CACNA1E: variants seen among roughly 807,000 people sequenced by gnomAD.
The protein encoded by CACNA1E is calcium voltage-gated channel subunit alpha1 E.
Under a neutral mutation model 259.2 loss-of-function variants are expected in CACNA1E, and 40 were observed. The observed-to-expected ratio is 0.15, with a 90% CI of 0.12 to 0.20. The LOEUF (loss-of-function observed/expected upper bound fraction) is 0.20, where lower values mean the gene tolerates loss of function less well. CACNA1E is among the 10% of genes least tolerant of loss of function. The pLI, the probability that CACNA1E is intolerant of heterozygous loss-of-function variation, is 1.00. For missense variants in CACNA1E, 1,874 were observed against 3,040.1 expected (o/e 0.62, Z 9.02); for synonymous variants, 1,104 against 1,138.5 (o/e 0.97, Z 0.61).
chr1:181,551,455 G>T (rs1648143154), intron 3 of CACNA1E, among the ~76,000 whole-genome samples: 1 of 152,204 alleles, frequency 6.6e-6, no homozygotes, highest in African/African-American at 2.4e-5. Context: ...TTGACAGTTT[G>T]TTTAGGATTC....
chr1:181,489,192 A>G (rs1249100815), intron 1 of CACNA1E, among the ~76,000 whole-genome samples: 1 of 152,236 alleles, frequency 6.6e-6, no homozygotes, highest in African/African-American at 2.4e-5. Context: ...ACAAAGACAT[A>G]AAAGAGGAAA....
intron 3 of CACNA1E, among the ~76,000 whole-genome samples, chr1:181,556,670 G>A (rs1648756394): frequency 6.6e-6 from 1 of 152,160 alleles, no homozygotes; most frequent in Non-Finnish European, 1.5e-5. Context: ...TGCTTAGAGG[G>A]TGCATGGCCT....
chr1:181,741,846 G>T (rs2102606853), intron 25 of CACNA1E, among the ~76,000 whole-genome samples: 1 of 152,336 alleles, frequency 6.6e-6, no homozygotes, highest in African/African-American at 2.4e-5. Flanking sequence ...ACCAGGTACA[G>T]TGCAGGGGCC....
chr1:181,575,024 C>A (rs1235865037), intron 3 of CACNA1E, among the ~76,000 whole-genome samples: 19 of 147,494 alleles, frequency 1.3e-4, no homozygotes, highest in Admixed American at 1.3e-4. Flanking sequence ...GACTCTGTCT[C>A]AAAAAAAAAA....
At chr1:181,375,784 C>T (rs1655062599) in intron 1 of CACNA1E, among the ~76,000 whole-genome samples, 1 of 152,206 alleles carries the variant, frequency 6.6e-6, no homozygotes, top group Non-Finnish European at 1.5e-5. Context: ...CCAGTCTTCT[C>T]TGGGAGACCT....
intron 6 of CACNA1E, among the ~76,000 whole-genome samples, chr1:181,630,843 T>C (rs1056847097): frequency 6.6e-6 from 1 of 152,180 alleles, no homozygotes; most frequent in African/African-American, 2.4e-5. Context: ...ATTAGAGCTC[T>C]TTCCAGAGTA....
Position 181,579,055 on chromosome 1 carries a change from T to C in CACNA1E, c.617-17T>C. The C allele has an allele frequency of 6.3e-7, 1 of 1,592,006 alleles. No individual in the cohort carries two copies. Among genetic ancestry groups the C allele is most frequent in the South Asian group, 1.2e-5 (1 of 86,432 alleles). ...TGAGGGACAGCTGCATTGGTCATTC[T>C]CTGTCCTTCCTTCTAGGCCTGCAGA... On this transcript the variant is annotated splice_polypyrimidine_tract_variant and intron_variant, in intron 4 of 47. Transcript: ENST00000367573.
At chr1:181,578,969 G>C in intron 4 of CACNA1E, 103 bp from the exon 5 acceptor site, 1 of 978,912 alleles carries the variant, frequency 1.0e-6, no homozygotes, top group South Asian at 1.9e-5. Flanking sequence ...ATCAGAGGCA[G>C]ACGGCAGCAT....
chr1:181,772,397 G>A (rs1659599988), intron 37 of CACNA1E, among the ~76,000 whole-genome samples, 166 bp downstream of exon 37: 1 of 152,106 alleles, frequency 6.6e-6, no homozygotes, highest in African/African-American at 2.4e-5. Context: ...TCCACACCCA[G>A]GTTAAGAACT....
chr1:181,488,038 T>C (rs117645458), intron 1 of CACNA1E, among the ~76,000 whole-genome samples: 1 of 152,338 alleles, frequency 6.6e-6, no homozygotes, highest in East Asian at 1.9e-4. Context: ...GTAGAGAATT[T>C]CACTGTATCC....
chr1:181,779,106 G>T (rs1660203246), intron 38 of CACNA1E, among the ~76,000 whole-genome samples: 1 of 152,204 alleles, frequency 6.6e-6, no homozygotes, highest in Non-Finnish European at 1.5e-5. Flanking sequence ...TTGTGAATTG[G>T]CAGGCTTTGT....
intron 1 of CACNA1E, among the ~76,000 whole-genome samples, chr1:181,327,493 G>A (rs1650889267): frequency 1.3e-5 from 2 of 152,160 alleles, no homozygotes; most frequent in Admixed American, 1.3e-4. Context: ...CCAACAATTT[G>A]TAATTTATAG....
At chr1:181,406,046 A>G (rs560406543) in intron 1 of CACNA1E, among the ~76,000 whole-genome samples, 2 of 152,350 alleles carry the variant, frequency 1.3e-5, no homozygotes, top group African/African-American at 4.8e-5. Flanking sequence ...TATGGCCTGC[A>G]ATGGCTAAAA....
intron 3 of CACNA1E, among the ~76,000 whole-genome samples, chr1:181,563,439 C>A (rs6678783): frequency 2.0e-5 from 3 of 152,148 alleles, no homozygotes; most frequent in South Asian, 4.1e-4. Flanking sequence ...AAAAAGGGCC[C>A]CTGTCCCCCA....
intron 2 of CACNA1E, among the ~76,000 whole-genome samples, chr1:181,447,702 A>T (rs1435393643): frequency 2.6e-5 from 4 of 152,212 alleles, no homozygotes; most frequent in Non-Finnish European, 4.4e-5. Context: ...CCCAGGCTAA[A>T]ATTAAGGTGT....
chr1:181,656,054 A>G (rs1004015215), intron 7 of CACNA1E, among the ~76,000 whole-genome samples: 1 of 152,256 alleles, frequency 6.6e-6, no homozygotes, highest in African/African-American at 2.4e-5. Context: ...TGAATTGTCC[A>G]TCATATAACA....
intron 2 of CACNA1E, among the ~76,000 whole-genome samples, chr1:181,472,876 C>T (rs1305475700): frequency 6.6e-6 from 1 of 152,134 alleles, no homozygotes; most frequent in Non-Finnish European, 1.5e-5. Flanking sequence ...ATAACCTGAA[C>T]ATTATAGACT....
chr1:181,641,696 A>ATTT lies in CACNA1E; in HGVS notation c.952-9638_952-9636dup, dbSNP rs1369217611. The stretch of plus-strand genomic sequence containing the variant: ...CAAATGAGATCATGAGGCAACACTA[A>ATTT]TTTTTTGTTTTTTTTTTTTTTTTTT... On this transcript the variant is annotated intron_variant, in intron 6 of 47. Transcript: ENST00000367573. 1.9e-3 allele frequency among the ~76,000 whole-genome samples: 201 copies of ATTT among 104,060 alleles called. 6 individuals are homozygous for ATTT. The highest frequency in any genetic ancestry group is 7.0e-3 in the African/African-American group (174 of 24,740). The allele number at this position is 104,060 out of a possible 152,430, so 68.3% of individuals were successfully genotyped here.
rs1659454353 is a variant in CACNA1E, at chr1:181,770,969, T to C, written c.4882-324T>C. 2.0e-5 allele frequency among the ~76,000 whole-genome samples: 3 copies of C among 152,208 alleles called. No individual in the cohort carries two copies. In the South Asian group the frequency reaches 6.2e-4, roughly 32 times the overall value. On this transcript the variant is annotated intron_variant, in intron 35 of 47. Transcript: ENST00000367573. ...TTTGACAGACGCTTGAGTACCATGG[T>C]GACAGGTACCATGGAACTAAAAGAC... is the stretch of plus-strand genomic sequence containing the variant.
Sources: gnomAD v4.1 joint callset for allele counts (sites outside exome capture counted in the v4.1 genomes callset) on GRCh38, gnomAD v4.1.1 for gene constraint, MANE v1.5 for transcripts, NCBI Gene and HGNC (gene_info 2026-07-23, HGNC 2026-07-21) for gene names.